The following BLTP3B variants were observed in gnomAD, a reference collection of about 807,000 sequenced individuals.
BLTP3B encodes the protein UHRF1 (ICBP90) binding protein 1-like.
At chr12:100,045,663 C>T in the BLTP3B span, among the ~76,000 whole-genome samples, 1 of 152,142 alleles carries the variant, frequency 6.6e-6, no homozygotes, top group Non-Finnish European at 1.5e-5. Flanking sequence ...AGAACATAGG[C>T]ATGGGCAAAG....
chr12:100,135,055 A>G, the BLTP3B span, among the ~76,000 whole-genome samples: 7 of 152,040 alleles, frequency 4.6e-5, no homozygotes, highest in Non-Finnish European at 1.0e-4. Context: ...GTGGCTTCCA[A>G]TCTCAGAGTA....
chr12:100,058,441 G>T, the BLTP3B span: 2 of 1,613,104 alleles, frequency 1.2e-6, no homozygotes, highest in East Asian at 4.5e-5. Flanking sequence ...AAAAGCAAAG[G>T]ATCCTTTAAA....
At chr12:100,086,323 G>A in the BLTP3B span, 1 of 1,330,150 alleles carries the variant, frequency 7.5e-7, no homozygotes, top group Non-Finnish European at 1.0e-6. Flanking sequence ...GTAAAAGAGA[G>A]TTGCATTGCC....
the BLTP3B span, among the ~76,000 whole-genome samples, chr12:100,113,149 T>C: frequency 6.7e-6 from 1 of 149,376 alleles, no homozygotes; most frequent in East Asian, 2.0e-4. Flanking sequence ...CCAGCCTGGA[T>C]GACAGAGTAA....
At chr12:100,068,144 A>C in the BLTP3B span, among the ~76,000 whole-genome samples, 15 of 152,242 alleles carry the variant, frequency 9.9e-5, no homozygotes, top group Admixed American at 4.6e-4. Flanking sequence ...CTGTATAAAA[A>C]TAGGCACACA....
the BLTP3B span, among the ~76,000 whole-genome samples, chr12:100,086,613 T>C: frequency 6.6e-6 from 1 of 152,202 alleles, no homozygotes; most frequent in Non-Finnish European, 1.5e-5. Context: ...AGTTCACAGA[T>C]GATACTAGCA....
chr12:100,058,187 T>G, the BLTP3B span: 1 of 1,613,148 alleles, frequency 6.2e-7, no homozygotes, highest in Non-Finnish European at 8.5e-7. Context: ...TACTTGAAAG[T>G]ATGTTTTGAT....
chr12:100,089,229 T>C, the BLTP3B span: 1 of 758,048 alleles, frequency 1.3e-6, no homozygotes, highest in Non-Finnish European at 1.9e-6. Context: ...TAATATATTT[T>C]CCCTAAAATA....
the BLTP3B span, among the ~76,000 whole-genome samples, chr12:100,133,625 G>C: frequency 6.6e-6 from 1 of 152,208 alleles, no homozygotes; most frequent in Non-Finnish European, 1.5e-5. Flanking sequence ...CCTTGGACAA[G>C]TCACAAATGT....
chr12:100,037,730 T>C, the BLTP3B span: 1 of 1,606,352 alleles, frequency 6.2e-7, no homozygotes, highest in Non-Finnish European at 8.5e-7. Flanking sequence ...CAGTTCCTGT[T>C]TAAGAGATTC....
the BLTP3B span, among the ~76,000 whole-genome samples, chr12:100,142,316 C>A: frequency 2.0e-5 from 3 of 152,082 alleles, no homozygotes; most frequent in Admixed American, 6.5e-5. Flanking sequence ...GACGCCGCGC[C>A]GGGAGCGATC....
At chr12:100,116,169 CA>C in the BLTP3B span, among the ~76,000 whole-genome samples, 172 of 106,986 alleles carry the variant, frequency 1.6e-3, no homozygotes, top group Admixed American at 2.4e-3. Context: ...GAGACTGTCT[CA>C]AAAAAAAAAA....
chr12:100,041,701 C>T, the BLTP3B span, among the ~76,000 whole-genome samples: 1 of 152,230 alleles, frequency 6.6e-6, no homozygotes, highest in East Asian at 1.9e-4. Context: ...TCCCAAAGTT[C>T]TGGGATTACA....
the BLTP3B span, chr12:100,050,147 T>C: frequency 1.4e-5 from 20 of 1,456,836 alleles, no homozygotes; most frequent in Non-Finnish European, 1.8e-5. Flanking sequence ...ATATGAAAAA[T>C]AATTAAAAAA....
chr12:100,086,374 G>C, the BLTP3B span: 150 of 608,344 alleles, frequency 2.5e-4, 2 homozygotes, highest in Middle Eastern at 1.2e-3. Context: ...AAAAAAAAAG[G>C]GGGGGGGGGA....
chr12:100,068,115 T>A, the BLTP3B span, among the ~76,000 whole-genome samples: 1 of 152,142 alleles, frequency 6.6e-6, no homozygotes, highest in Non-Finnish European at 1.5e-5. Flanking sequence ...AAGGCCATAC[T>A]CATCAGAACA....
chr12:100,142,704 C>T, the BLTP3B span: 1 of 1,554,220 alleles, frequency 6.4e-7, no homozygotes, highest in Non-Finnish European at 8.7e-7. Context: ...TGGCCGTCTC[C>T]TCTCTGTCCC....
chr12:100,083,410 G>A, the BLTP3B span, among the ~76,000 whole-genome samples: 1 of 152,160 alleles, frequency 6.6e-6, no homozygotes, highest in Admixed American at 6.5e-5. Context: ...TTACATAGAA[G>A]TAGAAAGTGA....
the BLTP3B span, among the ~76,000 whole-genome samples, chr12:100,118,198 G>A: frequency 3.9e-5 from 6 of 152,100 alleles, no homozygotes; most frequent in South Asian, 2.1e-4. Context: ...AACTTTCAAG[G>A]TTGGCTGGGC....
Sources: allele counts gnomAD v4.1 joint callset (sites outside exome capture counted in the v4.1 genomes callset), GRCh38; gene constraint gnomAD v4.1.1; transcripts MANE v1.5; gene names NCBI Gene and HGNC (gene_info 2026-07-23, HGNC 2026-07-21).